Variants in MAP4K3 observed in about 807,000 individuals in gnomAD.
MAP4K3 encodes the protein mitogen-activated protein kinase kinase kinase kinase 3, also known as MAPK/ERK kinase kinase kinase 3.
Under a neutral mutation model 143.5 loss-of-function variants are expected in MAP4K3, and 94 were observed. The observed-to-expected ratio is 0.65, with a 90% CI of 0.55 to 0.78. MAP4K3 has a LOEUF of 0.78. Ranked by LOEUF, MAP4K3 falls within the 30% of genes least tolerant of loss-of-function variation. The pLI, the probability that MAP4K3 is intolerant of heterozygous loss-of-function variation, is 0.00. For synonymous variants in MAP4K3, 416 were observed against 347.2 expected (o/e 1.20, Z -2.20); for missense variants, 1,077 against 1,068.1 (o/e 1.01, Z -0.12).
At chr2:39,385,551 CATATA>C (rs1428102400) in intron 1 of MAP4K3, among the ~76,000 whole-genome samples, 1 of 111,266 alleles carries the variant, frequency 9.0e-6, no homozygotes, top group African/African-American at 4.5e-5. Flanking sequence ...GAGCGTTCTT[CATATA>C]TATATATATA....
intron 1 of MAP4K3, among the ~76,000 whole-genome samples, chr2:39,436,087 T>C (rs1378825165): frequency 6.6e-6 from 1 of 152,200 alleles, no homozygotes; most frequent in African/African-American, 2.4e-5. Flanking sequence ...ACCTCCTCTC[T>C]TCTTGGCAGT....
intron 7 of MAP4K3, 67 bp downstream of exon 7, chr2:39,333,465 G>T: frequency 7.9e-7 from 1 of 1,271,164 alleles, no homozygotes; most frequent in Non-Finnish European, 1.1e-6. Context: ...GTCCTACAAA[G>T]GAAAACATAA....
intron 1 of MAP4K3, among the ~76,000 whole-genome samples, chr2:39,436,304 A>C (rs187093290): frequency 1.3e-5 from 2 of 151,824 alleles, no homozygotes; most frequent in Admixed American, 6.6e-5. Flanking sequence ...TAGAGAAAAC[A>C]AAGTTGCTCT....
intron 7 of MAP4K3, among the ~76,000 whole-genome samples, chr2:39,333,223 A>G (rs1322048969): frequency 6.6e-6 from 1 of 152,140 alleles, no homozygotes; most frequent in Non-Finnish European, 1.5e-5. Context: ...TTTTTTGGTT[A>G]CAAGGTAATT....
At chr2:39,308,438 G>A (rs1447712701) in intron 14 of MAP4K3, among the ~76,000 whole-genome samples, 2 of 152,012 alleles carry the variant, frequency 1.3e-5, no homozygotes, top group African/African-American at 2.4e-5. Context: ...TAACTATAAG[G>A]TAAAGGCTAA....
chr2:39,275,817 G>T (rs1387200838), intron 24 of MAP4K3, among the ~76,000 whole-genome samples: 2 of 152,098 alleles, frequency 1.3e-5, no homozygotes, highest in Admixed American at 1.3e-4. Context: ...GTTTAGTCAT[G>T]AATAAATCAT....
chr2:39,413,132 G>GTA (rs1477982663), intron 1 of MAP4K3, among the ~76,000 whole-genome samples: 1 of 152,184 alleles, frequency 6.6e-6, no homozygotes, highest in Admixed American at 6.5e-5. Flanking sequence ...TTTACCTAGA[G>GTA]TATAAAGAAA....
intron 2 of MAP4K3, among the ~76,000 whole-genome samples, chr2:39,357,258 G>T (rs1019548508): frequency 1.1e-4 from 16 of 152,244 alleles, no homozygotes; most frequent in Non-Finnish European, 1.6e-4. Context: ...TATGCAGAAA[G>T]AGAACAAATG....
At chr2:39,304,940 A>T (rs7595469) in intron 15 of MAP4K3, among the ~76,000 whole-genome samples, 104,203 of 152,138 alleles carry the variant, frequency 0.68, 39,518 homozygotes, top group Non-Finnish European at 0.84. Context: ...AAATTATGCT[A>T]AGTAGTGAGC....
chr2:39,417,570 G>T (rs1667420213), intron 1 of MAP4K3, among the ~76,000 whole-genome samples: 1 of 152,278 alleles, frequency 6.6e-6, no homozygotes, highest in East Asian at 1.9e-4. Context: ...AACAATGGGG[G>T]AAGGCCAGAA....
chr2:39,367,424 C>T (rs961250496), intron 2 of MAP4K3, among the ~76,000 whole-genome samples: 4 of 152,056 alleles, frequency 2.6e-5, no homozygotes, highest in South Asian at 2.1e-4. Flanking sequence ...CCTGTAGTCG[C>T]AGCTACTTGG....
At chr2:39,300,386 T>TCCTC (rs1682459632) in intron 15 of MAP4K3, among the ~76,000 whole-genome samples, 1 of 152,224 alleles carries the variant, frequency 6.6e-6, no homozygotes, top group African/African-American at 2.4e-5. Context: ...TTAAGGCAGT[T>TCCTC]CCTCAACTGT....
At chr2:39,326,902 G>T (rs574157468) in intron 8 of MAP4K3, among the ~76,000 whole-genome samples, 3 of 152,138 alleles carry the variant, frequency 2.0e-5, no homozygotes, top group African/African-American at 7.2e-5. Context: ...ATGATTGTAA[G>T]TTTTCTGAGG....
At chr2:39,338,267 G>A (rs1237035508) in intron 4 of MAP4K3, among the ~76,000 whole-genome samples, 1 of 152,028 alleles carries the variant, frequency 6.6e-6, no homozygotes. Flanking sequence ...TGTCCAATAG[G>A]TTTAGCTGGC....
At chr2:39,362,275 A>C (rs768358351) in intron 2 of MAP4K3, among the ~76,000 whole-genome samples, 40 of 152,326 alleles carry the variant, frequency 2.6e-4, no homozygotes, top group Admixed American at 4.6e-4. Flanking sequence ...AAGACATCCA[A>C]AGTGAAAAGG....
chr2:39,419,615 AG>A (rs1226804647), intron 1 of MAP4K3, among the ~76,000 whole-genome samples: 3 of 152,338 alleles, frequency 2.0e-5, no homozygotes, highest in Non-Finnish European at 4.4e-5. Flanking sequence ...AGTTTACTGG[AG>A]GAAATAAAAT....
rs779524910 is a variant in MAP4K3, at chr2:39,436,861, G to C, written c.96+31C>G. 83 of 1,567,270 alleles carry C rather than the reference G, an allele frequency of 5.3e-5. 2 individuals carry two copies. In the East Asian group the frequency reaches 7.7e-4, roughly 15 times the overall value. ...GCTTGGCTGCGGGTCGGGATCCCAC[G>C]GCCTCGGCGGCGCGCGGCCCCTGCC... On this transcript the variant is annotated intron_variant, in intron 1 of 33. Transcript: ENST00000263881.
chr2:39,261,345 G>T (rs1166082733), intron 28 of MAP4K3, among the ~76,000 whole-genome samples: 1 of 152,016 alleles, frequency 6.6e-6, no homozygotes, highest in African/African-American at 2.4e-5. Flanking sequence ...AATTTATATT[G>T]CTACAAAGAA....
intron 1 of MAP4K3, among the ~76,000 whole-genome samples, chr2:39,409,050 T>C (rs901914188): frequency 2.0e-5 from 3 of 152,206 alleles, no homozygotes; most frequent in African/African-American, 7.2e-5. Flanking sequence ...TGTCTTTCCT[T>C]TCACTTCTGC....
Sources: gnomAD v4.1 joint callset for allele counts (sites outside exome capture counted in the v4.1 genomes callset) on GRCh38, gnomAD v4.1.1 for gene constraint, MANE v1.5 for transcripts, NCBI Gene and HGNC (gene_info 2026-07-23, HGNC 2026-07-21) for gene names.